TRIM32: variants seen among roughly 807,000 people sequenced by gnomAD.
The protein encoded by TRIM32 is E3 ubiquitin-protein ligase TRIM32.
TRIM32 carries 19 observed loss-of-function variants against 36.0 expected under a neutral mutation model. The observed-to-expected ratio is 0.53, with a 90% CI of 0.37 to 0.77. The LOEUF (loss-of-function observed/expected upper bound fraction) is 0.77, where lower values mean the gene tolerates loss of function less well. TRIM32 is among the 30% of genes least tolerant of loss of function. The probability of loss-of-function intolerance (pLI) is 0.00; values close to 1 mark genes in which losing one functional copy is unlikely to be tolerated. For synonymous variants in TRIM32, 309 were observed against 318.5 expected, an observed-to-expected ratio of 0.97 and a Z score of 0.32; for missense variants, 747 against 845.2, an observed-to-expected ratio of 0.88 and a Z score of 1.44.
chr9:116,688,514 T>C (rs1168425855), intron 1 of TRIM32, among the ~76,000 whole-genome samples: 1 of 152,164 alleles, frequency 6.6e-6, no homozygotes, highest in East Asian at 1.9e-4. Flanking sequence ...AATCTTCAGT[T>C]CAGATAATCC....
chr9:116,696,060 AT>A (rs1282278157), intron 1 of TRIM32, among the ~76,000 whole-genome samples: 2 of 151,994 alleles, frequency 1.3e-5, no homozygotes, highest in Non-Finnish European at 2.9e-5. Flanking sequence ...ACTCCCCATT[AT>A]CCCCGTCTTC....
chr9:116,697,740 G>T lies in TRIM32; in HGVS notation c.-3G>T. Reference sequence around the variant, plus strand: ...GCTAGCAATACCCTTCAAAGGAAGAGCAATGGCTGCAGCAGCAGCTTCTCA... The same window carrying T: ...GCTAGCAATACCCTTCAAAGGAAGATCAATGGCTGCAGCAGCAGCTTCTCA... On this transcript the variant is annotated 5_prime_UTR_variant, in exon 2 of 2. Transcript: ENST00000450136. 1 of 1,613,916 alleles carries T rather than the reference G, an allele frequency of 6.2e-7. No individual in the cohort carries two copies. Among genetic ancestry groups the T allele is most frequent in the East Asian group, 2.2e-5 (1 of 44,874 alleles).
At chr9:116,695,396 A>G (rs1860791618) in intron 1 of TRIM32, among the ~76,000 whole-genome samples, 1 of 152,206 alleles carries the variant, frequency 6.6e-6, no homozygotes, top group Non-Finnish European at 1.5e-5. Context: ...TCAGGGAGGA[A>G]GGATTAACTT....
chr9:116,697,318 T>C (rs1427644530), intron 1 of TRIM32: 1 of 222,582 alleles, frequency 4.5e-6, no homozygotes, highest in East Asian at 9.8e-5. Flanking sequence ...ATCTTGTTAC[T>C]TAGCCCTTAT....
intron 1 of TRIM32, among the ~76,000 whole-genome samples, chr9:116,690,550 C>T (rs1018511463): frequency 3.3e-5 from 5 of 152,188 alleles, no homozygotes; most frequent in African/African-American, 9.7e-5. Flanking sequence ...GACATTCCCT[C>T]CATCTTGTCT....
Position 116,699,857 on chromosome 9 carries a change from T to G in TRIM32, c.*153T>G, listed in dbSNP as rs549577425. ...TCAGAAGCTCCATCTTTTAATGTTT[T>G]TATTTGTTATGTCCCCCTCCCCGCT... is the stretch of plus-strand genomic sequence containing the variant. On this transcript the variant is annotated 3_prime_UTR_variant, in exon 2 of 2. Transcript: ENST00000450136. The surrounding 1 kb of genome is among the most constrained non-coding windows in gnomAD (Gnocchi z 4.2). 8 of 1,028,196 alleles carry G rather than the reference T, an allele frequency of 7.8e-6. No homozygotes were observed. In the East Asian group the frequency reaches 1.6e-4, roughly 20 times the overall value. The allele number at this position is 1,028,196 out of a possible 1,614,324, so 63.7% of individuals were successfully genotyped here.
At chr9:116,689,626 T>G (rs1340830377) in intron 1 of TRIM32, among the ~76,000 whole-genome samples, 1 of 152,184 alleles carries the variant, frequency 6.6e-6, no homozygotes, top group Non-Finnish European at 1.5e-5. Flanking sequence ...TGCTAGGGCC[T>G]GCTTAGTCTT....
At chr9:116,695,651 C>T (rs1273638353) in intron 1 of TRIM32, among the ~76,000 whole-genome samples, 1 of 152,212 alleles carries the variant, frequency 6.6e-6, no homozygotes, top group Non-Finnish European at 1.5e-5. Flanking sequence ...CAAGACTGCA[C>T]AGATACAGCT....
At position 116,700,005 on chromosome 9, in the gene TRIM32, C is replaced by G; in HGVS notation, c.*301C>G. ...TTTAGTAGAGAGAGCCACTTTAGCC[C>G]TTTGTGCCATGTTTGAAATTTGCCC... On this transcript the variant is annotated 3_prime_UTR_variant, in exon 2 of 2. Coordinates refer to ENST00000450136, the MANE Select transcript of TRIM32 (RefSeq NM_012210.4). 1 of 447,064 alleles carries G rather than the reference C, an allele frequency of 2.2e-6. No individual in the cohort carries two copies. The highest frequency in any genetic ancestry group is 3.3e-5 in the South Asian group (1 of 29,942). The allele number at this position is 447,064 out of a possible 1,614,324, so 27.7% of individuals were successfully genotyped here. A position where few individuals can be genotyped will look rare whatever the true frequency, so the allele number is the denominator to read the frequency against.
intron 1 of TRIM32, among the ~76,000 whole-genome samples, chr9:116,694,158 T>C (rs1282414193): frequency 6.6e-6 from 1 of 152,166 alleles, no homozygotes; most frequent in Non-Finnish European, 1.5e-5. Flanking sequence ...AAATTCATTT[T>C]TTTAAACCTG....
At chr9:116,697,639 T>C in intron 1 of TRIM32, 23 bp from the exon 2 acceptor site, 2 of 1,411,658 alleles carry the variant, frequency 1.4e-6, no homozygotes, top group Non-Finnish European at 9.8e-7. Context: ...GGAAAATGAA[T>C]AATGGTTTCT....
In TRIM32 at chr9:116,693,530, A is replaced by AG. The variant is rs539378996; in HGVS notation, c.-81-4131dup. 1.3e-4 allele frequency among the ~76,000 whole-genome samples: 20 copies of AG among 152,084 alleles called. No homozygotes were observed. The East Asian group carries it at 3.9e-3, about 29-fold the overall frequency. ...TCATCGGGAGCTGAAGAGATGTGCT[A>AG]GTACAGTATGGTATGGGATGTACAG... On this transcript the variant is annotated intron_variant, in intron 1 of 1. Coordinates refer to ENST00000450136, the MANE Select transcript of TRIM32 (RefSeq NM_012210.4).
chr9:116,688,385 T>A (rs1860382744), intron 1 of TRIM32, among the ~76,000 whole-genome samples: 1 of 151,962 alleles, frequency 6.6e-6, no homozygotes. Context: ...AGATTTTCCT[T>A]AAATCGCTGC....
At position 116,699,939 on chromosome 9, in the gene TRIM32, T is replaced by C; in HGVS notation, c.*235T>C. 1.6e-6 allele frequency: 1 copy of C among 622,508 alleles called. No homozygotes were observed. The highest frequency in any genetic ancestry group is 2.8e-6 in the Non-Finnish European group (1 of 352,574). The allele number at this position is 622,508 out of a possible 1,614,324, so 38.6% of individuals were successfully genotyped here. ...ACTGCCCAAATAGGACACACGATGG[T>C]GTTAGCTGAAGTTTGATTAGCAATT... On this transcript the variant is annotated 3_prime_UTR_variant, in exon 2 of 2. Coordinates refer to ENST00000450136, the MANE Select transcript of TRIM32 (RefSeq NM_012210.4). The surrounding 1 kb of genome is among the most constrained non-coding windows in gnomAD (Gnocchi z 4.2).
At chr9:116,689,047 G>GATTAAAC (rs1012731293) in intron 1 of TRIM32, among the ~76,000 whole-genome samples, 2 of 152,098 alleles carry the variant, frequency 1.3e-5, no homozygotes, top group Non-Finnish European at 2.9e-5. Context: ...CAAGTGGGTA[G>GATTAAAC]ATTAAACATT....
chr9:116,690,711 C>G (rs942628349), intron 1 of TRIM32, among the ~76,000 whole-genome samples: 13 of 152,136 alleles, frequency 8.5e-5, no homozygotes, highest in Admixed American at 8.5e-4. Flanking sequence ...AATCCTTGCT[C>G]TATTACTTAT....
At position 116,699,707 on chromosome 9, in the gene TRIM32, G is replaced by T. The variant is rs200638331; in HGVS notation, c.*3G>T. ...TGAGAAGATATTCCACCCCATAGGG[G>T]ATGAGAAATTATCAGTTTCTTCTGC... is the stretch of plus-strand genomic sequence containing the variant. On this transcript the variant is annotated 3_prime_UTR_variant, in exon 2 of 2. Coordinates refer to ENST00000450136, the MANE Select transcript of TRIM32 (RefSeq NM_012210.4). This position sits in a 1 kb window ranked among gnomAD's most constrained non-coding sequence, Gnocchi z 4.2. 9.9e-6 allele frequency: 16 copies of T among 1,614,072 alleles called. No individual in the cohort carries two copies. Among genetic ancestry groups the T allele is most frequent in the Non-Finnish European group, 1.1e-5 (13 of 1,180,044 alleles).
rs3747835 is a variant in TRIM32 at position 116,698,964 on chromosome 9, C to T, written c.1222C>T (p.Arg408Cys). 1.7e-3 allele frequency: 2,680 copies of T among 1,614,140 alleles called. 3 individuals are homozygous for T. The highest frequency in any genetic ancestry group is 1.9e-3 in the Non-Finnish European group (2,201 of 1,180,024). Residue 408 changes from arginine (R) to cysteine (C), a missense_variant, in exon 2 of 2, where the codon CGC becomes TGC. By Grantham distance (180) the Arg-to-Cys change is radical. Coordinates refer to ENST00000450136, the MANE Select transcript of TRIM32 (RefSeq NM_012210.4). This position sits in a 1 kb window ranked among gnomAD's most constrained non-coding sequence, Gnocchi z 4.4. ...FTRKGFLKEIRRSPSGIDSFV... is the reference protein window; with the variant it reads ...FTRKGFLKEICRSPSGIDSFV... Reference sequence around the variant, plus strand: ...CCGCAAAGGCTTTTTGAAGGAAATCCGCCGCAGCCCCAGTGGCATTGATAG... The same window carrying T: ...CCGCAAAGGCTTTTTGAAGGAAATCTGCCGCAGCCCCAGTGGCATTGATAG...
Position 116,698,700 on chromosome 9 carries a change from G to C in TRIM32, c.958G>C (p.Val320Leu), listed in dbSNP as rs1297563172. Residue 320 changes from valine to leucine, a missense_variant, in exon 2 of 2, where the codon GTT becomes CTT. Val to Leu is a conservative substitution (Grantham distance 32). Coordinates refer to ENST00000450136, the MANE Select transcript of TRIM32 (RefSeq NM_012210.4). The surrounding 1 kb of genome is among the most constrained non-coding windows in gnomAD (Gnocchi z 4.4). ...EATASAASTS[V>L]TFREMDMSPE... ...CACAGCGTCTGCTGCCTCTACCTCT[G>C]TTACTTTTAGAGAGATGGACATGAG... 1 of 1,614,220 alleles carries C rather than the reference G, an allele frequency of 6.2e-7. No individual in the cohort carries two copies. Among genetic ancestry groups the C allele is most frequent in the South Asian group, 1.1e-5 (1 of 91,090 alleles).
Sources: allele counts gnomAD v4.1 joint callset (sites outside exome capture counted in the v4.1 genomes callset), GRCh38; gene constraint gnomAD v4.1.1; non-coding constraint Gnocchi (gnomAD v3.1); transcripts MANE v1.5; gene names NCBI Gene and HGNC (gene_info 2026-07-23, HGNC 2026-07-21).